The following CNTNAP2 variants were observed in gnomAD, a reference collection of about 807,000 sequenced individuals.
CNTNAP2 encodes contactin-associated protein-like 2.
In CNTNAP2, 98 loss-of-function variants were observed where a neutral mutation model predicts 155.2. The observed-to-expected ratio is 0.63, with a 90% confidence interval of 0.54 to 0.75. The LOEUF (loss-of-function observed/expected upper bound fraction) is 0.75, where lower values mean the gene tolerates loss of function less well. CNTNAP2 is among the 30% of genes least tolerant of loss of function. CNTNAP2 has a pLI of 0.00. For missense variants in CNTNAP2, 1,727 were observed against 1,688.1 expected (o/e 1.02, Z -0.40); for synonymous variants, 651 against 631.2 (o/e 1.03, Z -0.47).
chr7:146,939,423 A>G (rs1796998665), intron 3 of CNTNAP2, among the ~76,000 whole-genome samples: 1 of 152,226 alleles, frequency 6.6e-6, no homozygotes, highest in African/African-American at 2.4e-5. Flanking sequence ...CAACACATAA[A>G]TAATGAAGGC....
intron 3 of CNTNAP2, among the ~76,000 whole-genome samples, chr7:146,914,095 G>A (rs1796344034): frequency 6.6e-6 from 1 of 151,810 alleles, no homozygotes; most frequent in South Asian, 2.1e-4. Flanking sequence ...CATTATTTAT[G>A]GCTTTTTAAA....
At chr7:148,371,675 G>T (rs753570158) in intron 21 of CNTNAP2, among the ~76,000 whole-genome samples, 5 of 152,130 alleles carry the variant, frequency 3.3e-5, no homozygotes, top group African/African-American at 1.2e-4. Flanking sequence ...ACAGGGATAC[G>T]TTCTGAGAAG....
At chr7:147,627,691 CAAAAAAA>C (rs138424007) in intron 12 of CNTNAP2, among the ~76,000 whole-genome samples, 2 of 71,712 alleles carry the variant, frequency 2.8e-5, no homozygotes, top group Non-Finnish European at 5.2e-5. Flanking sequence ...GACTCTGTCT[CAAAAAAA>C]AAAAAAAAAA....
rs745382478 is a variant in CNTNAP2 at position 148,217,298 on chromosome 7, A to G, written c.3021A>G (p.Ala1007=). ...DGTFCNKDVG[A]FFEEGMWLRY... is the part of the protein sequence containing the mutation. ...TCTCCTTTATAACAGATGTTGGTGCATTTTTTGAAGAAGGGATGTGGCTAC... is the reference window on the plus strand; with the variant it reads ...TCTCCTTTATAACAGATGTTGGTGCGTTTTTTGAAGAAGGGATGTGGCTAC... Residue 1007 remains alanine (A), a synonymous_variant, in exon 19 of 24, where the codon GCA becomes GCG. Transcript: ENST00000361727. 6.2e-6 allele frequency: 10 copies of G among 1,613,920 alleles called. No homozygotes were observed. Among genetic ancestry groups the G allele is most frequent in the Non-Finnish European group, 7.6e-6 (9 of 1,179,968 alleles).
chr7:147,021,234 G>C (rs759522994), intron 3 of CNTNAP2, among the ~76,000 whole-genome samples: 1 of 148,008 alleles, frequency 6.8e-6, no homozygotes, highest in Non-Finnish European at 1.5e-5. Context: ...TATCATTAGT[G>C]TGTGTATTTT....
chr7:146,717,959 A>G (rs1238682837), intron 1 of CNTNAP2, among the ~76,000 whole-genome samples: 1 of 152,094 alleles, frequency 6.6e-6, no homozygotes. Context: ...TATAAAATTA[A>G]GCAGCTTATT....
Position 147,192,123 on chromosome 7 carries a change from T to C in CNTNAP2, c.1348+59614T>C, listed in dbSNP as rs187806311. 1.5e-4 allele frequency among the ~76,000 whole-genome samples: 23 copies of C among 152,292 alleles called. No individual in the cohort carries two copies. In the East Asian group the frequency reaches 4.4e-3, roughly 29 times the overall value. ...TAATTAAAAGAAAATTGAAGTAAAA[T>C]AGTCATTTGGTCTCAGCAAGACTCT... On this transcript the variant is annotated intron_variant, in intron 8 of 23. Coordinates refer to ENST00000361727, the MANE Select transcript of CNTNAP2 (RefSeq NM_014141.6).
At chr7:147,387,561 C>T (rs915302235) in intron 9 of CNTNAP2, among the ~76,000 whole-genome samples, 11 of 151,992 alleles carry the variant, frequency 7.2e-5, no homozygotes, top group Non-Finnish European at 1.5e-4. Context: ...GACTGCTCTC[C>T]CCTTTGAAAT....
intron 1 of CNTNAP2, chr7:146,195,030 T>A (rs1467794271): frequency 6.6e-6 from 1 of 152,208 alleles, no homozygotes; most frequent in Non-Finnish European, 1.5e-5. Context: ...TAAAACAAAA[T>A]TATGTAATTA....
At chr7:147,507,550 CTTTT>C (rs3052511) in intron 11 of CNTNAP2, among the ~76,000 whole-genome samples, 1,825 of 81,758 alleles carry the variant, frequency 0.022, 18 homozygotes, top group Admixed American at 0.048. Flanking sequence ...CTCTTTCTTT[CTTTT>C]TTTTTTTTTT....
At chr7:147,817,369 A>T (rs2116615963) in intron 13 of CNTNAP2, among the ~76,000 whole-genome samples, 1 of 152,356 alleles carries the variant, frequency 6.6e-6, no homozygotes, top group South Asian at 2.1e-4. Flanking sequence ...GTGAGATAAT[A>T]TCACTGTTAT....
At chr7:147,224,370 A>G (rs190069709) in intron 8 of CNTNAP2, among the ~76,000 whole-genome samples, 60 of 152,330 alleles carry the variant, frequency 3.9e-4, no homozygotes, top group Non-Finnish European at 4.7e-4. Flanking sequence ...CACAATATCA[A>G]AATGTTAGGG....
rs1554432746 is a variant in CNTNAP2 at position 148,415,447 on chromosome 7, T to C, written c.3827T>C (p.Leu1276Pro). ...GVIAVVIFTI[L>P]CTLVFLIRYM... ...ATTGCTGTGGTGATTTTCACCATCC[T>C]GTGCACCCTGGTCTTCCTGATCCGG... Residue 1276 changes from leucine to proline, a missense_variant, in exon 24 of 24, where the codon CTG becomes CCG. Transcript: ENST00000361727. The C allele has an allele frequency of 1.9e-6, 3 of 1,614,114 alleles. No individual in the cohort carries two copies. The highest frequency in any genetic ancestry group is 2.5e-6 in the Non-Finnish European group (3 of 1,180,034).
chr7:146,487,406 T>C (rs1347594966), intron 1 of CNTNAP2, among the ~76,000 whole-genome samples: 1 of 152,212 alleles, frequency 6.6e-6, no homozygotes, highest in East Asian at 1.9e-4. Context: ...ATATGTCTCG[T>C]AGTTGACAAA....
intron 11 of CNTNAP2, among the ~76,000 whole-genome samples, chr7:147,486,639 G>C (rs1021769720): frequency 1.4e-4 from 21 of 152,062 alleles, no homozygotes; most frequent in African/African-American, 5.1e-4. Flanking sequence ...ATGCAAAAAT[G>C]ACTAGGAAAA....
intron 1 of CNTNAP2, among the ~76,000 whole-genome samples, chr7:146,436,006 A>C (rs932554840): frequency 6.6e-6 from 1 of 152,164 alleles, no homozygotes; most frequent in Admixed American, 6.6e-5. Flanking sequence ...TTCTTTTTGC[A>C]AACAATCCAG....
In CNTNAP2 at chr7:148,165,627, A is replaced by G. The variant is rs1805640637; in HGVS notation, c.2774-6615A>G. Among the ~76,000 whole-genome samples the G allele has an allele frequency of 3.3e-5, 5 of 152,286 alleles. No homozygotes were observed. The Middle Eastern group carries it at 0.01, about 311-fold the overall frequency. ...CTACGCGGTGCATATTGTTATGCCA[A>G]TGCCACACATAAGGAGACTGAGGCC... On this transcript the variant is annotated intron_variant, in intron 17 of 23. Transcript: ENST00000361727.
chr7:147,925,864 A>G lies in CNTNAP2; in HGVS notation c.2255+22143A>G, dbSNP rs1800389335. Among the ~76,000 whole-genome samples, 4 of 152,212 alleles carry G rather than the reference A, an allele frequency of 2.6e-5. No individual in the cohort carries two copies. The South Asian group carries it at 8.3e-4, about 32-fold the overall frequency. On this transcript the variant is annotated intron_variant, in intron 14 of 23. Coordinates refer to ENST00000361727, the MANE Select transcript of CNTNAP2 (RefSeq NM_014141.6). ...ACTATTCTCTGTATTCCCTCCATTC[A>G]ATCCTCCCCTCCCCTCAACTCCTGG...
chr7:147,861,406 A>C (rs1238108942), intron 13 of CNTNAP2, among the ~76,000 whole-genome samples: 1 of 152,220 alleles, frequency 6.6e-6, no homozygotes, highest in Non-Finnish European at 1.5e-5. Flanking sequence ...ATTATGCATA[A>C]ATAAATGCAA....
Sources: allele counts gnomAD v4.1 joint callset (sites outside exome capture counted in the v4.1 genomes callset), GRCh38; gene constraint gnomAD v4.1.1; transcripts MANE v1.5; gene names NCBI Gene and HGNC (gene_info 2026-07-23, HGNC 2026-07-21).